Variants in THOP1 observed in about 807,000 individuals in gnomAD.
THOP1 encodes thimet oligopeptidase 1.
In THOP1, 49 loss-of-function variants were observed where a neutral mutation model predicts 71.8. That is an observed-to-expected ratio of 0.68 (90% CI 0.54 to 0.87). The LOEUF is 0.87. Ranked by LOEUF, THOP1 falls within the 40% of genes least tolerant of loss-of-function variation. The probability of loss-of-function intolerance (pLI) is 0.00; values close to 1 mark genes in which losing one functional copy is unlikely to be tolerated. For synonymous variants in THOP1, 426 were observed against 421.5 expected (o/e 1.01, Z -0.13); for missense variants, 843 against 975.6 (o/e 0.86, Z 1.81).
Position 2,811,746 on chromosome 19 carries a change from C to A in THOP1, c.1908+12C>A. ...TCCTGAACAGCAAGGTACGCGGGGA[C>A]TGGGGACAGGGAGGGCGTCCTGAAC... On this transcript the variant is annotated intron_variant, in intron 12 of 12. Transcript: ENST00000307741. 1 of 1,571,802 alleles carries A rather than the reference C, an allele frequency of 6.4e-7. No homozygotes were observed. Among genetic ancestry groups the A allele is most frequent in the East Asian group, 2.2e-5 (1 of 44,546 alleles).
In THOP1 at chr19:2,805,886, C is replaced by T. The variant is rs1314377026; in HGVS notation, c.750+710C>T. ...GTGCCCATCACTGCGGGGGGACGGG[C>T]GGGTGCCCATCACTGCGGGGGGACG... On this transcript the variant is annotated intron_variant, in intron 6 of 12. Coordinates refer to ENST00000307741, the MANE Select transcript of THOP1 (RefSeq NM_003249.5). The surrounding 1 kb of genome is among the most constrained non-coding windows in gnomAD (Gnocchi z 6.6). 2.1e-5 allele frequency: 2 copies of T among 93,782 alleles called. No individual in the cohort carries two copies. Among genetic ancestry groups the T allele is most frequent in the Admixed American group, 1.2e-4 (1 of 8,650 alleles). The allele number at this position is 93,782 out of a possible 1,614,324, so 5.8% of individuals were successfully genotyped here.
rs779961050 is a variant in THOP1 at position 2,801,601 on chromosome 19, TTTC to T, written c.589+1815_589+1817del. 6.6e-5 allele frequency among the ~76,000 whole-genome samples: 10 copies of T among 152,290 alleles called. No homozygotes were observed. In the East Asian group the frequency reaches 1.9e-3, roughly 29 times the overall value. ...ACGCCTTGCGATGGTCTTAGTTCCTTTTCTTCTGCTTACAACAGAAAACCTAAG... is the reference window on the plus strand; with the variant it reads ...ACGCCTTGCGATGGTCTTAGTTCCTTTTCTGCTTACAACAGAAAACCTAAG... On this transcript the variant is annotated intron_variant, in intron 5 of 12. Transcript: ENST00000307741. The surrounding 1 kb of genome is among the most constrained non-coding windows in gnomAD (Gnocchi z 5.1).
rs753588007 is a variant in THOP1 at position 2,790,417 on chromosome 19, G to A, written c.17-4G>A. The A allele has an allele frequency of 1.7e-5, 26 of 1,531,122 alleles. No individual in the cohort carries two copies. The Admixed American group carries it at 1.9e-4, about 11-fold the overall frequency. 94.8% of individuals were successfully genotyped at this position (1,531,122 alleles called of 1,614,324 possible). ...GCCCGGCACTGGGTTTTGTTTCTGC[G>A]TAGCCTGTGCAGGAGACATGGCGGA... On this transcript the variant is annotated splice_region_variant and splice_polypyrimidine_tract_variant and intron_variant, in intron 1 of 12. Transcript: ENST00000307741.
intron 12 of THOP1, chr19:2,812,422 G>A: frequency 2.1e-6 from 3 of 1,444,974 alleles, no homozygotes; most frequent in Non-Finnish European, 2.7e-6. Flanking sequence ...TTATAGAGGT[G>A]CAGAGGCCAG....
At chr19:2,796,624 A>C (rs761381191) in intron 4 of THOP1, among the ~76,000 whole-genome samples, 1 of 136,942 alleles carries the variant, frequency 7.3e-6, no homozygotes, top group African/African-American at 2.8e-5. Context: ...GGGAGTGCTC[A>C]GTCCTGGGGA....
At chr19:2,791,734 G>A (rs1188196968) in intron 2 of THOP1, among the ~76,000 whole-genome samples, 4 of 152,204 alleles carry the variant, frequency 2.6e-5, no homozygotes, top group South Asian at 4.2e-4. Context: ...TCCCCCGCCC[G>A]TGCCCCACCT....
chr19:2,791,160 ATCC>A (rs1915869891), intron 2 of THOP1, among the ~76,000 whole-genome samples: 3 of 152,096 alleles, frequency 2.0e-5, no homozygotes, highest in South Asian at 4.2e-4. Flanking sequence ...CCTCAGCCCG[ATCC>A]TCCTCCTCTC....
In THOP1 at chr19:2,807,436, C is replaced by T; in HGVS notation, c.887-6C>T. ...CGAGAGGCCCACCTTTCTGCCCTCC[C>T]CGCAGATGAGCTGGCGCAGAAGCTG... is the stretch of plus-strand genomic sequence containing the variant. On this transcript the variant is annotated splice_region_variant and splice_polypyrimidine_tract_variant and intron_variant, in intron 7 of 12. Transcript: ENST00000307741. The T allele has an allele frequency of 1.3e-6, 2 of 1,581,908 alleles. No homozygotes were observed. Among genetic ancestry groups the T allele is most frequent in the Non-Finnish European group, 1.7e-6 (2 of 1,160,826 alleles).
At chr19:2,794,009 T>C (rs905253530) in intron 2 of THOP1, among the ~76,000 whole-genome samples, 19 of 140,384 alleles carry the variant, frequency 1.4e-4, no homozygotes, top group Non-Finnish European at 2.7e-4. Flanking sequence ...AAAGCTTTTT[T>C]TTTTTTCTTT....
intron 5 of THOP1, among the ~76,000 whole-genome samples, chr19:2,800,566 G>A (rs1379199485): frequency 1.3e-5 from 2 of 152,256 alleles, no homozygotes; most frequent in Non-Finnish European, 2.9e-5. Flanking sequence ...TGGTGGGTGG[G>A]GACAAGGCCC....
intron 2 of THOP1, 77 bp downstream of exon 2, chr19:2,790,710 C>G: frequency 7.4e-7 from 1 of 1,350,512 alleles, no homozygotes; most frequent in South Asian, 1.6e-5. Context: ...TAGCCCAGCC[C>G]GTGGAGCCGG....
rs1008399470 is a variant in THOP1 at position 2,804,440 on chromosome 19, C to T, written c.590-576C>T. 6.6e-6 allele frequency among the ~76,000 whole-genome samples: 1 copy of T among 152,150 alleles called. No individual in the cohort carries two copies. The highest frequency in any genetic ancestry group is 1.9e-4 in the East Asian group (1 of 5,184). On this transcript the variant is annotated intron_variant, in intron 5 of 12. Transcript: ENST00000307741. This position sits in a 1 kb window ranked among gnomAD's most constrained non-coding sequence, Gnocchi z 4.7. ...GCCGTGGGGCTGCGTGCTGAGATCT[C>T]AGCTCTGAGCGGGAGGCTCTGCCTG...
At chr19:2,795,547 A>T (rs1203113704) in intron 3 of THOP1, among the ~76,000 whole-genome samples, 1 of 152,254 alleles carries the variant, frequency 6.6e-6, no homozygotes, top group Non-Finnish European at 1.5e-5. Flanking sequence ...TGGTAAATCC[A>T]GATCAGGGTG....
chr19:2,792,483 ACGGAGCCTCCTCCAGACGTG>A (rs1318971364), intron 2 of THOP1, among the ~76,000 whole-genome samples: 41 of 144,544 alleles, frequency 2.8e-4, no homozygotes, highest in Non-Finnish European at 4.7e-4. Context: ...CTCTAAACAC[ACGGAGCCTCCTCCAGACGTG>A]CGGAGCCTCC....
In THOP1 at chr19:2,813,455, C is replaced by A; in HGVS notation, c.*179C>A. The stretch of plus-strand genomic sequence containing the variant: ...CGGTCGTGGCCCACCCGGCTAGAGA[C>A]GGCGTCCTCAAGGCATCTGGAGGGC... On this transcript the variant is annotated 3_prime_UTR_variant, in exon 13 of 13. Coordinates refer to ENST00000307741, the MANE Select transcript of THOP1 (RefSeq NM_003249.5). The A allele has an allele frequency of 1.3e-6, 1 of 780,382 alleles. No individual in the cohort carries two copies. The highest frequency in any genetic ancestry group is 1.9e-6 in the Non-Finnish European group (1 of 513,018). The allele number at this position is 780,382 out of a possible 1,614,324, so 48.3% of individuals were successfully genotyped here. A position where few individuals can be genotyped will look rare whatever the true frequency, so the allele number is the denominator to read the frequency against.
intron 4 of THOP1, 40 bp from the exon 5 acceptor site, chr19:2,799,649 C>T (rs1478739294): frequency 1.3e-6 from 2 of 1,551,742 alleles, no homozygotes; most frequent in South Asian, 1.1e-5. Flanking sequence ...GGAGCCCGCC[C>T]CGGTCTCTCC....
chr19:2,810,144 C>T (rs1263419501), intron 9 of THOP1, 160 bp from the exon 10 acceptor site: 17 of 918,088 alleles, frequency 1.9e-5, no homozygotes, highest in South Asian at 3.5e-5. Flanking sequence ...CAGGGGCCTC[C>T]GGGTCCCGGT....
intron 4 of THOP1, among the ~76,000 whole-genome samples, chr19:2,797,605 G>C (rs1406196002): frequency 6.6e-6 from 1 of 152,228 alleles, no homozygotes; most frequent in Non-Finnish European, 1.5e-5. Flanking sequence ...ACCAGAATGT[G>C]GGCTGCTGTG....
rs1286033865 is a variant in THOP1 at position 2,796,177 on chromosome 19, G to C, written c.475G>C (p.Glu159Gln). The C allele has an allele frequency of 3.7e-6, 6 of 1,612,998 alleles. No homozygotes were observed. The highest frequency in any genetic ancestry group is 4.2e-6 in the Non-Finnish European group (5 of 1,179,558). The change falls in exon 4 of 13, where the codon GAG (glutamate) becomes CAG (glutamine). Residue 159 changes from glutamate (E) to glutamine (Q), a missense_variant. By Grantham distance (29) the Glu-to-Gln change is conservative. Transcript: ENST00000307741. ...GAGAAATGGGCTTCACCTCCCCAGAGAGACTCAGGAAGTGAGTGCTGGGTG... is the reference window on the plus strand; with the variant it reads ...GAGAAATGGGCTTCACCTCCCCAGACAGACTCAGGAAGTGAGTGCTGGGTG... Reference protein sequence around the residue: ...GRRNGLHLPRETQENIKRIKK... With the variant: ...GRRNGLHLPRQTQENIKRIKK...
Sources: allele counts gnomAD v4.1 joint callset (sites outside exome capture counted in the v4.1 genomes callset), GRCh38; gene constraint gnomAD v4.1.1; non-coding constraint Gnocchi (gnomAD v3.1); transcripts MANE v1.5; gene names NCBI Gene and HGNC (gene_info 2026-07-23, HGNC 2026-07-21).